EFCAB12: variants seen among roughly 807,000 people sequenced by gnomAD.
EFCAB12 encodes the protein EF-hand calcium binding domain 12.
Under a neutral mutation model 53.6 loss-of-function variants are expected in EFCAB12, and 43 were observed. The observed-to-expected ratio is 0.80, with a 90% CI of 0.63 to 1.03. EFCAB12 has a LOEUF of 1.03. Among genes scored for constraint, EFCAB12 ranks in the 50% least tolerant of loss-of-function variants. The probability of loss-of-function intolerance (pLI) is 0.00; values close to 1 mark genes in which losing one functional copy is unlikely to be tolerated. For synonymous variants in EFCAB12, 269 were observed against 289.2 expected (o/e 0.93, Z 0.71); for missense variants, 646 against 730.6 (o/e 0.88, Z 1.34).
chr3:129,415,845 A>G (rs1285603204), intron 3 of EFCAB12, among the ~76,000 whole-genome samples: 1 of 152,330 alleles, frequency 6.6e-6, no homozygotes, highest in East Asian at 1.9e-4. Flanking sequence ...GGGATCAAGA[A>G]TACTATACTC....
chr3:129,413,532 G>A (rs908841751), intron 4 of EFCAB12: 2 of 152,182 alleles, frequency 1.3e-5, no homozygotes, highest in African/African-American at 4.8e-5. Flanking sequence ...TGCAGCTGCA[G>A]AAAGATGTAT....
chr3:129,401,650 G>T lies in EFCAB12; in HGVS notation c.1662C>A (p.Asn554Lys), dbSNP rs1437760864. The change falls in exon 9 of 9, where the codon AAC becomes AAA. Residue 554 changes from asparagine (N) to lysine (K), a missense_variant. Asn to Lys is a moderately conservative substitution (Grantham distance 94). Transcript: ENST00000505956. ...AATGGGCGTGGGTCATGTAGTTCTT[G>T]TTCCTAAGGGGCCACCAGTGGTCAG... Reference protein sequence around the residue: ...YHPDHWWPLRNKNYMTHAHYD... With the variant: ...YHPDHWWPLRKKNYMTHAHYD... The T allele has an allele frequency of 1.3e-6, 2 of 1,583,598 alleles. No individual in the cohort carries two copies. The highest frequency in any genetic ancestry group is 1.8e-5 in the Admixed American group (1 of 54,566).
chr3:129,425,271 C>G (rs1429346000), intron 1 of EFCAB12, among the ~76,000 whole-genome samples: 1 of 152,136 alleles, frequency 6.6e-6, no homozygotes, highest in Non-Finnish European at 1.5e-5. Context: ...AATTCACAGT[C>G]TGTCCCTTCC....
At position 129,408,775 on chromosome 3, in the gene EFCAB12, C is replaced by T. The variant is rs770601029; in HGVS notation, c.1119G>A (p.Pro373=). ...GNRHFDEHCL[P]STIHGDMREL... ...CCCTCATATCCCCGTGGATGGTGGA[C>T]GGGAGGCAGTGCTCATCAAAGTGCC... The change falls in exon 6 of 9, where the codon CCG becomes CCA. Residue 373 remains proline (P), a synonymous_variant. Transcript: ENST00000505956. The T allele has an allele frequency of 3.4e-5, 53 of 1,576,140 alleles. No individual in the cohort carries two copies. In the Admixed American group the frequency reaches 5.8e-4, roughly 17 times the overall value.
chr3:129,424,453 CCTT>C (rs2072227470), intron 1 of EFCAB12, among the ~76,000 whole-genome samples: 1 of 152,198 alleles, frequency 6.6e-6, no homozygotes. Context: ...CTCACTTCCT[CCTT>C]CTTGGGTTAT....
intron 3 of EFCAB12, among the ~76,000 whole-genome samples, chr3:129,417,345 A>C (rs1231728125): frequency 6.0e-5 from 8 of 133,276 alleles, no homozygotes; most frequent in East Asian, 5.5e-4. Context: ...AAAAACCAAA[A>C]AAAAAAAACC....
At chr3:129,418,505 G>A (rs1339208170) in intron 2 of EFCAB12, 57 bp from the exon 3 acceptor site, 5 of 1,475,522 alleles carry the variant, frequency 3.4e-6, no homozygotes, top group South Asian at 2.7e-5. Context: ...CAGGCCAGGC[G>A]GATGCAGTCC....
chr3:129,411,110 G>A, intron 5 of EFCAB12, 48 bp downstream of exon 5: 1 of 1,534,600 alleles, frequency 6.5e-7, no homozygotes, highest in African/African-American at 1.4e-5. Context: ...CTGAACCCCA[G>A]CTGCTCCAGT....
In EFCAB12 at chr3:129,424,641, T is replaced by C. The variant is rs951586930; in HGVS notation, c.50-2838A>G. Among the ~76,000 whole-genome samples, 43 of 152,244 alleles carry C rather than the reference T, an allele frequency of 2.8e-4. No individual in the cohort carries two copies. The East Asian group carries it at 2.9e-3, about 10-fold the overall frequency. On this transcript the variant is annotated intron_variant, in intron 1 of 8. Coordinates refer to ENST00000505956, the MANE Select transcript of EFCAB12 (RefSeq NM_207307.3). Reference sequence around the variant, plus strand: ...TGCTAGAACAGATATTACACATCAATAGGGATGGAAGCGAACACTTCTAAA... The same window carrying C: ...TGCTAGAACAGATATTACACATCAACAGGGATGGAAGCGAACACTTCTAAA...
In EFCAB12 at chr3:129,418,486, C is replaced by A. The variant is rs753959314; in HGVS notation, c.487-38G>T. 5.2e-6 allele frequency: 8 copies of A among 1,542,986 alleles called. No individual in the cohort carries two copies. The East Asian group carries it at 1.4e-4, about 27-fold the overall frequency. ...AGAGGGTAGGGCAGAGGAGAGAGTT[C>A]AAAGGAGACAGGCCAGGCGGATGCA... is the stretch of plus-strand genomic sequence containing the variant. On this transcript the variant is annotated intron_variant, in intron 2 of 8. Transcript: ENST00000505956.
chr3:129,404,473 T>C lies in EFCAB12; in HGVS notation c.1250-70A>G, dbSNP rs2071921281. On this transcript the variant is annotated intron_variant, in intron 6 of 8. Coordinates refer to ENST00000505956, the MANE Select transcript of EFCAB12 (RefSeq NM_207307.3). Reference sequence around the variant, plus strand: ...CCCATCCCTCCCTAAGCCTCTGGGGTCAGAGGAGGTGTTTTTTTTTTTTTT... The same window carrying C: ...CCCATCCCTCCCTAAGCCTCTGGGGCCAGAGGAGGTGTTTTTTTTTTTTTT... The C allele has an allele frequency of 2.1e-6, 3 of 1,402,436 alleles. No individual in the cohort carries two copies. The Admixed American group carries it at 7.3e-5, about 34-fold the overall frequency. 86.9% of individuals were successfully genotyped at this position (1,402,436 alleles called of 1,614,324 possible). A position where few individuals can be genotyped will look rare whatever the true frequency, so the allele number is the denominator to read the frequency against.
At chr3:129,408,974 G>A in intron 5 of EFCAB12, 116 bp from the exon 6 acceptor site, 2 of 1,204,992 alleles carry the variant, frequency 1.7e-6, no homozygotes, top group Non-Finnish European at 1.2e-6. Context: ...CCCATGAGGG[G>A]TGATGGCAAC....
At chr3:129,427,671 A>G (rs2072289733) in intron 1 of EFCAB12, among the ~76,000 whole-genome samples, 1 of 152,144 alleles carries the variant, frequency 6.6e-6, no homozygotes, top group East Asian at 1.9e-4. Flanking sequence ...TCAGTCTTCA[A>G]GCTTTATAGC....
chr3:129,404,304 G>A lies in EFCAB12; in HGVS notation c.1349C>T (p.Pro450Leu), dbSNP rs371876434. Residue 450 changes from proline (P) to leucine (L), a missense_variant, in exon 7 of 9, where the codon CCG (proline) becomes CTG (leucine). Coordinates refer to ENST00000505956, the MANE Select transcript of EFCAB12 (RefSeq NM_207307.3). ...CTGGGACCGGAGCAGAGCCAGATTC[G>A]GAGAAAAGACCTTCCAGTCAGAGTA... Reference protein sequence around the residue: ...GYYSDWKVFSPNLALLRSQGP... With the variant: ...GYYSDWKVFSLNLALLRSQGP... 3.1e-6 allele frequency: 5 copies of A among 1,613,734 alleles called. No homozygotes were observed. The highest frequency in any genetic ancestry group is 2.7e-5 in the African/African-American group (2 of 74,838).
intron 4 of EFCAB12, chr3:129,413,109 T>C (rs568021685): frequency 1.3e-5 from 2 of 152,310 alleles, no homozygotes; most frequent in Admixed American, 1.3e-4. Context: ...ACTGAGATCA[T>C]TCTGCAAGAA....
chr3:129,427,569 C>G (rs1169078822), intron 1 of EFCAB12, among the ~76,000 whole-genome samples: 2 of 152,212 alleles, frequency 1.3e-5, no homozygotes, highest in African/African-American at 4.8e-5. Flanking sequence ...GACCTGTGTG[C>G]CTGGGAAAGG....
intron 5 of EFCAB12, among the ~76,000 whole-genome samples, chr3:129,410,204 C>T (rs1401155201): frequency 1.3e-5 from 2 of 151,406 alleles, no homozygotes; most frequent in African/African-American, 4.9e-5. Context: ...GAGACGGGGC[C>T]TTGCTGTGTT....
intron 5 of EFCAB12, among the ~76,000 whole-genome samples, chr3:129,410,572 C>T (rs1354200530): frequency 1.3e-5 from 2 of 152,096 alleles, no homozygotes; most frequent in Non-Finnish European, 2.9e-5. Context: ...CCTACCTTGG[C>T]CTCTCAAAGC....
chr3:129,411,441 C>T (rs985976782), intron 4 of EFCAB12, 87 bp from the exon 5 acceptor site: 19 of 1,361,602 alleles, frequency 1.4e-5, no homozygotes, highest in Admixed American at 4.5e-5. Context: ...CAGTGTCACC[C>T]AGCAGGCACC....
Sources: gnomAD v4.1 joint callset for allele counts (sites outside exome capture counted in the v4.1 genomes callset) on GRCh38, gnomAD v4.1.1 for gene constraint, MANE v1.5 for transcripts, NCBI Gene and HGNC (gene_info 2026-07-23, HGNC 2026-07-21) for gene names.